EFNA5: variants seen among roughly 807,000 people sequenced by gnomAD.
EFNA5 encodes ephrin A5.
In EFNA5, 5 loss-of-function variants were observed where a neutral mutation model predicts 22.9. The ratio of observed to expected loss-of-function variants is 0.22; its 90% confidence interval spans 0.11 to 0.46. EFNA5 has a LOEUF of 0.46. Among genes scored for constraint, EFNA5 ranks in the 20% least tolerant of loss-of-function variants. The probability of loss-of-function intolerance (pLI) is 0.99; values close to 1 mark genes in which losing one functional copy is unlikely to be tolerated. For missense variants in EFNA5, 237 were observed against 293.3 expected (o/e 0.81, Z 1.40); for synonymous variants, 113 against 112.2 (o/e 1.01, Z -0.04).
intron 1 of EFNA5, among the ~76,000 whole-genome samples, chr5:107,621,011 G>C (rs1389338344): frequency 2.0e-5 from 3 of 152,204 alleles, no homozygotes; most frequent in East Asian, 3.8e-4. Context: ...GTTATGTCTA[G>C]AAAGTAGTGG....
chr5:107,617,029 TGTA>T lies in EFNA5; in HGVS notation c.125+53457_125+53459del, dbSNP rs756173204. Among the ~76,000 whole-genome samples, 540 of 152,214 alleles carry T rather than the reference TGTA, an allele frequency of 3.5e-3. 3 individuals are homozygous for T. Among genetic ancestry groups the T allele is most frequent in the Non-Finnish European group, 6.1e-3 (413 of 68,006 alleles). On this transcript the variant is annotated intron_variant, in intron 1 of 4. Transcript: ENST00000333274. Reference sequence around the variant, plus strand: ...GGAGGAAACTCTGACCCACCCTTAATGTACTTTTATGGAAGGATCACCAAGAAC... The same window carrying T: ...GGAGGAAACTCTGACCCACCCTTAATCTTTTATGGAAGGATCACCAAGAAC...
chr5:107,563,600 C>T (rs911433643), intron 1 of EFNA5, among the ~76,000 whole-genome samples: 5 of 152,022 alleles, frequency 3.3e-5, no homozygotes, highest in African/African-American at 9.7e-5. Context: ...CTATGTCTGG[C>T]TAATTTTCAT....
rs958564017 is a variant in EFNA5, at chr5:107,667,965, T to C, written c.125+2524A>G. ...TACTTATTTGGCATGTGGCCTCTTA[T>C]ATCCAAGTTGACTTTTCTTAATGCA... On this transcript the variant is annotated intron_variant, in intron 1 of 4. Coordinates refer to ENST00000333274, the MANE Select transcript of EFNA5 (RefSeq NM_001962.3). Among the ~76,000 whole-genome samples the C allele has an allele frequency of 7.9e-5, 12 of 152,362 alleles. 1 individual carries two copies. Among genetic ancestry groups the C allele is most frequent in the Admixed American group, 3.9e-4 (6 of 15,312 alleles).
intron 1 of EFNA5, among the ~76,000 whole-genome samples, chr5:107,626,181 T>G (rs774329283): frequency 2.7e-5 from 4 of 150,808 alleles, no homozygotes; most frequent in African/African-American, 1.0e-4. Context: ...TACAAATGGT[T>G]GTTAATAACT....
chr5:107,513,276 G>A (rs1747410760), intron 1 of EFNA5, among the ~76,000 whole-genome samples: 1 of 152,124 alleles, frequency 6.6e-6, no homozygotes, highest in Non-Finnish European at 1.5e-5. Context: ...GAGAGAGAGA[G>A]AGACTCTATC....
At chr5:107,459,044 T>A (rs1466376455) in intron 1 of EFNA5, among the ~76,000 whole-genome samples, 1 of 152,144 alleles carries the variant, frequency 6.6e-6, no homozygotes, top group Non-Finnish European at 1.5e-5. Context: ...TTCTTTAACT[T>A]AAGGAGCATT....
chr5:107,599,525 ACT>A (rs1325021935), intron 1 of EFNA5, among the ~76,000 whole-genome samples: 1 of 152,168 alleles, frequency 6.6e-6, no homozygotes, highest in Non-Finnish European at 1.5e-5. Context: ...AAGATTTCTC[ACT>A]CTGTATCTTT....
intron 1 of EFNA5, among the ~76,000 whole-genome samples, chr5:107,591,619 G>A (rs532246874): frequency 1.4e-4 from 21 of 150,542 alleles, no homozygotes; most frequent in African/African-American, 4.2e-4. Flanking sequence ...TCAGGAGTTC[G>A]AGACCAGCCT....
intron 1 of EFNA5, among the ~76,000 whole-genome samples, chr5:107,588,021 T>C (rs757612162): frequency 2.6e-5 from 4 of 151,828 alleles, no homozygotes; most frequent in Admixed American, 1.3e-4. Context: ...CCCAGAAAAA[T>C]TGGGAAGAAG....
intron 1 of EFNA5, among the ~76,000 whole-genome samples, chr5:107,433,916 A>AG (rs1169198599): frequency 9.2e-5 from 14 of 151,850 alleles, no homozygotes; most frequent in African/African-American, 1.5e-4. Context: ...AAAAAAAAAA[A>AG]ATTGCTCCCT....
intron 1 of EFNA5, among the ~76,000 whole-genome samples, chr5:107,664,855 A>C (rs1329513842): frequency 6.6e-6 from 1 of 152,210 alleles, no homozygotes; most frequent in Non-Finnish European, 1.5e-5. Context: ...GAAAATTGAT[A>C]ATATAGAATC....
At chr5:107,475,639 A>G (rs917309284) in intron 1 of EFNA5, among the ~76,000 whole-genome samples, 14 of 152,148 alleles carry the variant, frequency 9.2e-5, no homozygotes, top group Non-Finnish European at 1.2e-4. Context: ...CTGAAAAGCC[A>G]GTATAATTTT....
chr5:107,387,584 T>C (rs1747661487), intron 3 of EFNA5, 122 bp downstream of exon 3: 1 of 711,750 alleles, frequency 1.4e-6, no homozygotes, highest in Non-Finnish European at 2.4e-6. Context: ...TGAATGTTGA[T>C]ATACAAAACA....
intron 1 of EFNA5, among the ~76,000 whole-genome samples, chr5:107,580,800 C>A (rs901991856): frequency 1.3e-5 from 2 of 151,564 alleles, no homozygotes; most frequent in Admixed American, 1.3e-4. Context: ...AATAAGCATG[C>A]GCCCACATTG....
intron 1 of EFNA5, among the ~76,000 whole-genome samples, chr5:107,528,115 AG>A (rs1747735361): frequency 6.6e-6 from 1 of 152,204 alleles, no homozygotes; most frequent in Non-Finnish European, 1.5e-5. Flanking sequence ...GCAGTATAGC[AG>A]GAGTTACTCT....
At chr5:107,407,418 C>T (rs577710619) in intron 2 of EFNA5, among the ~76,000 whole-genome samples, 18 of 152,160 alleles carry the variant, frequency 1.2e-4, no homozygotes, top group Non-Finnish European at 2.4e-4. Flanking sequence ...TTAATTTATT[C>T]TCTTCGTTTT....
At chr5:107,522,874 C>T (rs1747624839) in intron 1 of EFNA5, among the ~76,000 whole-genome samples, 1 of 152,138 alleles carries the variant, frequency 6.6e-6, no homozygotes, top group African/African-American at 2.4e-5. Flanking sequence ...TATTCAGTTA[C>T]TTGAATAAAG....
chr5:107,539,756 G>A (rs1448652914), intron 1 of EFNA5, among the ~76,000 whole-genome samples: 3 of 152,210 alleles, frequency 2.0e-5, no homozygotes, highest in African/African-American at 4.8e-5. Flanking sequence ...AAGCCACAGC[G>A]CCCGGCCAGA....
intron 1 of EFNA5, among the ~76,000 whole-genome samples, chr5:107,661,846 T>C (rs1490315912): frequency 1.3e-5 from 2 of 152,210 alleles, no homozygotes; most frequent in East Asian, 3.8e-4. Flanking sequence ...ACAACCTAGA[T>C]AACAATTTGC....
Sources: gnomAD v4.1 joint callset for allele counts (sites outside exome capture counted in the v4.1 genomes callset) on GRCh38, gnomAD v4.1.1 for gene constraint, MANE v1.5 for transcripts, NCBI Gene and HGNC (gene_info 2026-07-23, HGNC 2026-07-21) for gene names.